VPS13B: variants seen among roughly 807,000 people sequenced by gnomAD.
VPS13B encodes vacuolar protein sorting 13 homolog B, also known as intermembrane lipid transfer protein VPS13B.
A neutral mutation model predicts 426.4 loss-of-function variants in VPS13B; 285 were observed. The ratio of observed to expected loss-of-function variants is 0.67; its 90% CI spans 0.61 to 0.74. VPS13B has a LOEUF of 0.74. Ranked by LOEUF, VPS13B falls within the 30% of genes least tolerant of loss-of-function variation. The pLI is 0.00. For missense variants in VPS13B, 4,537 were observed against 4,782.6 expected (o/e 0.95, Z 1.51); for synonymous variants, 1,676 against 1,676.4 (o/e 1.00, Z 0.01).
At chr8:99,226,734 T>G (rs1170487212) in intron 17 of VPS13B, among the ~76,000 whole-genome samples, 1 of 152,224 alleles carries the variant, frequency 6.6e-6, no homozygotes, top group Non-Finnish European at 1.5e-5. Context: ...TAACATTTTC[T>G]CTGTGTAAAG....
intron 31 of VPS13B, among the ~76,000 whole-genome samples, chr8:99,559,728 A>G (rs1053470692): frequency 5.3e-5 from 8 of 152,062 alleles, no homozygotes; most frequent in Non-Finnish European, 1.0e-4. Flanking sequence ...GATACGCGGC[A>G]TTATTTCTGA....
At chr8:99,484,318 G>T (rs1820189221) in intron 25 of VPS13B, among the ~76,000 whole-genome samples, 1 of 152,040 alleles carries the variant, frequency 6.6e-6, no homozygotes, top group Admixed American at 6.6e-5. Context: ...GCTCATAGTA[G>T]ATTTGTTTGT....
rs754701678 is a variant in VPS13B at position 99,028,522 on chromosome 8, ACCCC to A, written c.148-9893_148-9890del. 5.0e-4 allele frequency among the ~76,000 whole-genome samples: 25 copies of A among 49,996 alleles called. 3 individuals carry two copies. Among genetic ancestry groups the A allele is most frequent in the Non-Finnish European group, 7.4e-4 (19 of 25,634 alleles). The allele number at this position is 49,996 out of a possible 152,430, so 32.8% of individuals were successfully genotyped here. ...GGGCGGCTGGCCGGGCGGGGGGCTGACCCCCCCCCCCACCTCCCTCCCGGACGGG... is the reference window on the plus strand; with the variant it reads ...GGGCGGCTGGCCGGGCGGGGGGCTGACCCCCCCACCTCCCTCCCGGACGGG... On this transcript the variant is annotated intron_variant, in intron 2 of 61. Coordinates refer to ENST00000357162, the MANE Select transcript of VPS13B (RefSeq NM_152564.5).
intron 33 of VPS13B, among the ~76,000 whole-genome samples, chr8:99,607,422 T>G (rs1827644570): frequency 6.6e-6 from 1 of 152,186 alleles, no homozygotes; most frequent in African/African-American, 2.4e-5. Context: ...ACGTAAGAAA[T>G]GTGGTAGTTT....
intron 17 of VPS13B, among the ~76,000 whole-genome samples, chr8:99,273,795 AAAAAAAT>A (rs1449415994): frequency 1.3e-5 from 2 of 152,142 alleles, no homozygotes; most frequent in Admixed American, 6.5e-5. Context: ...TCTGTCTCAA[AAAAAAAT>A]AAAAAATAAA....
chr8:99,309,506 A>G (rs570762422), intron 19 of VPS13B, among the ~76,000 whole-genome samples: 2 of 152,106 alleles, frequency 1.3e-5, no homozygotes, highest in African/African-American at 4.8e-5. Context: ...GTGTGGTATT[A>G]TTTCTGAGGG....
intron 23 of VPS13B, among the ~76,000 whole-genome samples, chr8:99,449,949 T>A (rs1818105569): frequency 6.6e-6 from 1 of 151,940 alleles, no homozygotes; most frequent in Admixed American, 6.6e-5. Context: ...AGACTGTAGG[T>A]TCGTGCCACC....
At chr8:99,812,311 T>A (rs576328220) in intron 44 of VPS13B, among the ~76,000 whole-genome samples, 29 of 152,272 alleles carry the variant, frequency 1.9e-4, no homozygotes, top group African/African-American at 5.8e-4. Context: ...ATTTCCTCAA[T>A]TGGCAAGGTT....
chr8:99,410,571 T>TTTATTTA (rs1815587501), intron 21 of VPS13B, among the ~76,000 whole-genome samples: 1 of 150,558 alleles, frequency 6.6e-6, no homozygotes, highest in African/African-American at 2.4e-5. Flanking sequence ...TATTTATTTA[T>TTTATTTA]TTATTATTAT....
chr8:99,128,727 T>A (rs1269406044), intron 8 of VPS13B, among the ~76,000 whole-genome samples: 1 of 145,298 alleles, frequency 6.9e-6, no homozygotes, highest in Non-Finnish European at 1.6e-5. Context: ...CATTGTGGGG[T>A]TGCAGCAGTG....
chr8:99,834,876 G>A lies in VPS13B; in HGVS notation c.9615-321G>A, dbSNP rs77687953. ...GCACAGCCTACCAAGCACTTTTAAG[G>A]AAGAAGAAAGTACCCTGCCTGGCGA... On this transcript the variant is annotated intron_variant, in intron 52 of 61. Transcript: ENST00000357162. Among the ~76,000 whole-genome samples the A allele has an allele frequency of 4.6e-3, 700 of 152,290 alleles. No homozygotes were observed. Among genetic ancestry groups the A allele is most frequent in the Middle Eastern group, 0.034 (10 of 294 alleles).
intron 19 of VPS13B, among the ~76,000 whole-genome samples, chr8:99,317,251 A>T (rs762148530): frequency 1.1e-4 from 17 of 152,118 alleles, no homozygotes; most frequent in Non-Finnish European, 1.5e-4. Context: ...GTTTTTTTTT[A>T]AATTATTTGT....
At chr8:99,736,429 C>G (rs1340076239) in intron 39 of VPS13B, among the ~76,000 whole-genome samples, 1 of 152,060 alleles carries the variant, frequency 6.6e-6, no homozygotes, top group Non-Finnish European at 1.5e-5. Context: ...GAAAAGTTAG[C>G]TGGGTGTGGT....
chr8:99,201,870 C>T (rs988861292), intron 17 of VPS13B, among the ~76,000 whole-genome samples: 4 of 152,106 alleles, frequency 2.6e-5, no homozygotes, highest in Non-Finnish European at 4.4e-5. Flanking sequence ...AAGATTTTCT[C>T]AATAACTATA....
chr8:99,731,112 G>A (rs775079881), intron 39 of VPS13B, among the ~76,000 whole-genome samples: 1 of 152,158 alleles, frequency 6.6e-6, no homozygotes, highest in African/African-American at 2.4e-5. Flanking sequence ...AAATCATCTG[G>A]TTTGACTAGC....
chr8:99,661,554 T>C (rs1344698419), intron 35 of VPS13B, 63 bp downstream of exon 35: 2 of 1,560,584 alleles, frequency 1.3e-6, no homozygotes, highest in Non-Finnish European at 1.7e-6. Context: ...AGCATGTATA[T>C]AGGATCTGTT....
At chr8:99,019,198 T>G (rs773706658) in intron 2 of VPS13B, among the ~76,000 whole-genome samples, 62 of 150,338 alleles carry the variant, frequency 4.1e-4, no homozygotes, top group Non-Finnish European at 8.0e-4. Context: ...ATTTATCATC[T>G]TAAACATTTT....
intron 32 of VPS13B, 23 bp from the exon 33 acceptor site, chr8:99,577,467 G>A: frequency 6.2e-7 from 1 of 1,613,306 alleles, no homozygotes; most frequent in South Asian, 1.1e-5. Flanking sequence ...TTCTTTATCT[G>A]TATTCTACCG....
rs1373791263 is a variant in VPS13B, at chr8:99,853,895, A to G, written c.10506A>G (p.Lys3502=). 3 of 1,614,046 alleles carry G rather than the reference A, an allele frequency of 1.9e-6. No individual in the cohort carries two copies. The highest frequency in any genetic ancestry group is 2.7e-5 in the African/African-American group (2 of 74,904). ...TTAATGAGTTCAGCTTTGAATTAAA[A>G]CCTGCTCGGTTATACGTGGAAGACA... ...CDINEFSFEL[K]PARLYVEDTF... is the part of the protein sequence containing the mutation. The change falls in exon 56 of 62, where the codon AAA becomes AAG. Residue 3502 remains lysine (K), a synonymous_variant. Coordinates refer to ENST00000357162, the MANE Select transcript of VPS13B (RefSeq NM_152564.5).
Sources: allele counts gnomAD v4.1 joint callset (sites outside exome capture counted in the v4.1 genomes callset), GRCh38; gene constraint gnomAD v4.1.1; transcripts MANE v1.5; gene names NCBI Gene and HGNC (gene_info 2026-07-23, HGNC 2026-07-21).